Variants in ATXN8OS observed in about 807,000 individuals in gnomAD.
The protein encoded by ATXN8OS is ATXN8 opposite strand (non-protein coding).
chr13:70,109,012 G>A (rs1441594892), intron 1 of ATXN8OS, among the ~76,000 whole-genome samples: 1 of 152,204 alleles, frequency 6.6e-6, no homozygotes, highest in South Asian at 2.1e-4. Context: ...AGTGCATTTG[G>A]TGTGTAGCCT....
chr13:70,146,623 A>G (rs1888789856), intron 3 of ATXN8OS, among the ~76,000 whole-genome samples: 1 of 152,084 alleles, frequency 6.6e-6, no homozygotes, highest in South Asian at 2.1e-4. Context: ...AGGGACATGG[A>G]TGAAACTGGA....
intron 4 of ATXN8OS, among the ~76,000 whole-genome samples, chr13:70,164,226 G>T (rs755836704): frequency 4.0e-5 from 6 of 150,810 alleles, no homozygotes; most frequent in Non-Finnish European, 7.4e-5. Flanking sequence ...GGTTTCCCAA[G>T]GTTACCTTTT....
In ATXN8OS at chr13:70,154,578, A is replaced by G. The variant is rs9599562; in HGVS notation, n.573+7150A>G. Reference sequence around the variant, plus strand: ...AAGATAAAATTTAAAAGAAAGTGAAATAAGTTGTCCTGTATTAGGCTGACT... The same window carrying G: ...AAGATAAAATTTAAAAGAAAGTGAAGTAAGTTGTCCTGTATTAGGCTGACT... On this transcript the variant is annotated intron_variant and non_coding_transcript_variant, in intron 4 of 4. Coordinates refer to ENST00000678624, the Ensembl canonical transcript of ATXN8OS. Among the ~76,000 whole-genome samples, 96 of 152,290 alleles carry G rather than the reference A, an allele frequency of 6.3e-4. 1 individual carries two copies. Among genetic ancestry groups the G allele is most frequent in the Middle Eastern group, 6.8e-3 (2 of 294 alleles).
rs560375381 is a variant in ATXN8OS at position 70,126,985 on chromosome 13, T to G, written n.399-2799T>G. On this transcript the variant is annotated intron_variant and non_coding_transcript_variant, in intron 2 of 4. Coordinates refer to ENST00000678624, the Ensembl canonical transcript of ATXN8OS. ...TCTATCTATAGATACATATATCAAC[T>G]ATAATATGTTTTGGATTTATATACA... Among the ~76,000 whole-genome samples, 87 of 151,994 alleles carry G rather than the reference T, an allele frequency of 5.7e-4. 2 individuals are homozygous for G. In the South Asian group the frequency reaches 0.018, roughly 31 times the overall value.
intron 4 of ATXN8OS, among the ~76,000 whole-genome samples, chr13:70,148,184 C>A (rs1888813814): frequency 6.6e-6 from 1 of 152,220 alleles, no homozygotes; most frequent in African/African-American, 2.4e-5. Flanking sequence ...TTATTGAAAT[C>A]TTTTATGGAT....
intron 4 of ATXN8OS, among the ~76,000 whole-genome samples, chr13:70,148,393 T>A (rs1831651122): frequency 6.6e-6 from 1 of 152,120 alleles, no homozygotes; most frequent in Admixed American, 6.6e-5. Context: ...ATCTCTTCTG[T>A]CAGTCTTAGG....
exon 1 of ATXN8OS, chr13:70,107,954 G>A (rs1371518443): frequency 1.1e-5 from 5 of 458,270 alleles, no homozygotes; most frequent in African/African-American, 6.0e-5. Context: ...AGGAGCAGAG[G>A]CAGGACTGGG....
intron 4 of ATXN8OS, among the ~76,000 whole-genome samples, chr13:70,164,398 G>T (rs570690405): frequency 6.6e-6 from 1 of 151,452 alleles, no homozygotes. Context: ...ATAAGACACC[G>T]TGAGGATGAA....
chr13:70,122,470 A>G (rs940783755), intron 2 of ATXN8OS, among the ~76,000 whole-genome samples: 4 of 152,044 alleles, frequency 2.6e-5, no homozygotes, highest in South Asian at 2.1e-4. Context: ...AAAACATGCA[A>G]TGTCATTCAT....
rs530700396 is a variant in ATXN8OS, at chr13:70,167,838, C to G, written n.574-1915C>G. ...GCAAGCTCCGCCTCCTGGGTTCACG[C>G]CATTCTCCCACCTCAGCCTCCCGTG... On this transcript the variant is annotated intron_variant and non_coding_transcript_variant, in intron 4 of 4. Coordinates refer to ENST00000678624, the Ensembl canonical transcript of ATXN8OS. Among the ~76,000 whole-genome samples the G allele has an allele frequency of 6.1e-5, 9 of 148,292 alleles. No individual in the cohort carries two copies. In the East Asian group the frequency reaches 1.0e-3, roughly 17 times the overall value.
At chr13:70,169,320 T>C (rs2479953) in intron 4 of ATXN8OS, among the ~76,000 whole-genome samples, 147,830 of 152,144 alleles carry the variant, frequency 0.97, 71,951 homozygotes, top group Middle Eastern at 1. Context: ...TTTTTGAGAC[T>C]GAGTCTTGCC....
Position 70,161,919 on chromosome 13 carries a change from G to A in ATXN8OS, n.574-7834G>A, listed in dbSNP as rs112674899. Among the ~76,000 whole-genome samples the A allele has an allele frequency of 9.6e-3, 1,458 of 151,984 alleles. 19 individuals are homozygous for A. The highest frequency in any genetic ancestry group is 0.033 in the African/African-American group (1,369 of 41,478). ...CTTTTAATAATAAGGAGAACTAGGG[G>A]GATGGAAGACAAGGTAATACAGAAA... is the stretch of plus-strand genomic sequence containing the variant. On this transcript the variant is annotated intron_variant and non_coding_transcript_variant, in intron 4 of 4. Coordinates refer to ENST00000678624, the Ensembl canonical transcript of ATXN8OS.
exon 5 of ATXN8OS, among the ~76,000 whole-genome samples, chr13:70,171,001 A>G (rs1398498637): frequency 6.6e-6 from 1 of 152,158 alleles, no homozygotes; most frequent in Non-Finnish European, 1.5e-5. Flanking sequence ...AAGATAAAAA[A>G]TGGTACACCT....
At chr13:70,122,966 A>C (rs1888382778) in intron 2 of ATXN8OS, among the ~76,000 whole-genome samples, 1 of 152,022 alleles carries the variant, frequency 6.6e-6, no homozygotes, top group South Asian at 2.1e-4. Context: ...TTGTTTTCTA[A>C]TTTGTAAAAC....
At chr13:70,139,323 T>G in intron 3 of ATXN8OS, 1 of 616,620 alleles carries the variant, frequency 1.6e-6, no homozygotes, top group South Asian at 2.3e-5. Context: ...GGCTAGACCC[T>G]GGGTCCTTCA....
chr13:70,108,048 C>T (rs768312355), intron 1 of ATXN8OS: 2 of 421,216 alleles, frequency 4.7e-6, no homozygotes, highest in Non-Finnish European at 8.4e-6. Flanking sequence ...TGGAGATGCG[C>T]GAGGGAGGGA....
chr13:70,137,311 C>A (rs1593767130), intron 3 of ATXN8OS, among the ~76,000 whole-genome samples: 1 of 152,154 alleles, frequency 6.6e-6, no homozygotes, highest in African/African-American at 2.4e-5. Context: ...GTGTCATATT[C>A]ATGGCTAGAT....
chr13:70,165,890 G>A (rs1889070540), intron 4 of ATXN8OS, among the ~76,000 whole-genome samples: 1 of 151,862 alleles, frequency 6.6e-6, no homozygotes, highest in Admixed American at 6.6e-5. Context: ...AATGAATAAT[G>A]GTGTCTGCAG....
chr13:70,159,005 G>A (rs1018505289), intron 4 of ATXN8OS, among the ~76,000 whole-genome samples: 1 of 151,850 alleles, frequency 6.6e-6, no homozygotes. Flanking sequence ...GAATTTACAT[G>A]TATTTTATCA....
Sources: allele counts gnomAD v4.1 joint callset (sites outside exome capture counted in the v4.1 genomes callset), GRCh38; gene constraint gnomAD v4.1.1; transcripts MANE v1.5; gene names NCBI Gene and HGNC (gene_info 2026-07-23, HGNC 2026-07-21).